The following RSPH10B variants were observed in gnomAD, a reference collection of about 807,000 sequenced individuals.
RSPH10B encodes radial spoke head 10 homolog B (Chlamydomonas).
In RSPH10B, 7 loss-of-function variants were observed where a neutral mutation model predicts 52.5. The ratio of observed to expected loss-of-function variants is 0.13; its 90% CI spans 0.08 to 0.25. The LOEUF is 0.25. RSPH10B is among the 10% of genes least tolerant of loss of function. RSPH10B has a pLI of 1.00. For synonymous variants in RSPH10B, 28 were observed against 193.2 expected, an observed-to-expected ratio of 0.14 and a Z score of 7.09; for missense variants, 89 against 542.5, an observed-to-expected ratio of 0.16 and a Z score of 8.30.
chr7:5,931,393 A>T (rs1333959725), intron 17 of RSPH10B, among the ~76,000 whole-genome samples: 1 of 151,446 alleles, frequency 6.6e-6, no homozygotes, highest in East Asian at 1.9e-4. Context: ...TTAAAAGTCC[A>T]CCATTGAGTG....
intron 11 of RSPH10B, among the ~76,000 whole-genome samples, 176 bp downstream of exon 13, chr7:5,944,888 G>C (rs1419848617): frequency 1.4e-5 from 2 of 147,926 alleles, no homozygotes; most frequent in Admixed American, 1.4e-4. Flanking sequence ...GCTTGAACCG[G>C]GGAGGCAGAG....
At chr7:5,955,183 G>A (rs2128636205) in intron 7 of RSPH10B, among the ~76,000 whole-genome samples, 1 of 126,844 alleles carries the variant, frequency 7.9e-6, no homozygotes, top group African/African-American at 2.8e-5. Context: ...GAAAAAAAAA[G>A]TCATGTAATC....
intron 18 of RSPH10B, among the ~76,000 whole-genome samples, chr7:5,927,064 G>GTA (rs1256218789): frequency 1.4e-3 from 140 of 103,636 alleles, no homozygotes; most frequent in Non-Finnish European, 1.7e-3. Flanking sequence ...GTGTGTGTGT[G>GTA]TGTATATGTG....
chr7:5,931,698 TAAAA>T (rs5882077), intron 17 of RSPH10B, among the ~76,000 whole-genome samples: 1 of 141,086 alleles, frequency 7.1e-6, no homozygotes, highest in East Asian at 2.0e-4. Flanking sequence ...ACCCACCTCT[TAAAA>T]AAAAAAAAAA....
chr7:5,929,327 G>T (rs1297345211), intron 17 of RSPH10B, among the ~76,000 whole-genome samples: 8 of 132,536 alleles, frequency 6.0e-5, no homozygotes, highest in Non-Finnish European at 9.4e-5. Flanking sequence ...CCACAGGCGG[G>T]TGCCACCACA....
At chr7:5,958,874 T>C in intron 5 of RSPH10B, 119 bp downstream of exon 7, 1 of 1,313,230 alleles carries the variant, frequency 7.6e-7, no homozygotes, top group South Asian at 1.2e-5. Context: ...CCACTCTGCT[T>C]AGAGAGAAAA....
In RSPH10B at chr7:5,933,401, C is replaced by A. The variant is rs1323146795; in HGVS notation, c.2140-526G>T. 3.8e-5 allele frequency among the ~76,000 whole-genome samples: 4 copies of A among 105,496 alleles called. No individual in the cohort carries two copies. The East Asian group carries it at 6.5e-4, about 17-fold the overall frequency. 69.2% of individuals were successfully genotyped at this position (105,496 alleles called of 152,430 possible). ...ATTATGGCATTTACTGAAAGCCTCT[C>A]AAAAAAAAACCCCAAAACTTGAAAA... On this transcript the variant is annotated intron_variant, in intron 16 of 18. Coordinates refer to ENST00000337579, the Ensembl canonical transcript of RSPH10B.
At chr7:5,944,773 A>G (rs1157826772) in intron 11 of RSPH10B, among the ~76,000 whole-genome samples, 2 of 146,970 alleles carry the variant, frequency 1.4e-5, no homozygotes, top group Non-Finnish European at 3.0e-5. Flanking sequence ...AGCCTGGCCA[A>G]CATGGTGAAA....
At position 5,944,384 on chromosome 7, in the gene RSPH10B, C is replaced by T. The variant is rs1268123926; in HGVS notation, c.1530-394G>A. Among the ~76,000 whole-genome samples the T allele has an allele frequency of 1.1e-4, 17 of 150,336 alleles. No individual in the cohort carries two copies. The East Asian group carries it at 2.7e-3, about 24-fold the overall frequency. ...CTGCACTCCAGCCTGGGTGACAGAG[C>T]GAGATTCCATCTCAAAAAAATAAAT... On this transcript the variant is annotated intron_variant, in intron 11 of 18. Transcript: ENST00000337579.
intron 3 of RSPH10B, among the ~76,000 whole-genome samples, chr7:5,961,245 T>C (rs958826923): frequency 2.9e-5 from 4 of 139,756 alleles, no homozygotes; most frequent in Non-Finnish European, 6.4e-5. Context: ...CACAGCACTT[T>C]GGGAGACTGA....
intron 13 of RSPH10B, among the ~76,000 whole-genome samples, chr7:5,942,926 A>ATATATT (rs1491308180): frequency 7.1e-5 from 10 of 141,050 alleles, no homozygotes; most frequent in African/African-American, 2.4e-4. Context: ...ATATATATAT[A>ATATATT]TTTTTTTTTA....
intron 14 of RSPH10B, among the ~76,000 whole-genome samples, chr7:5,938,495 G>T (rs1780040168): frequency 1.4e-5 from 1 of 70,966 alleles, no homozygotes; most frequent in Non-Finnish European, 3.2e-5. Context: ...GGAGAATGGC[G>T]TGAACCCGGG....
Position 5,947,889 on chromosome 7 carries a change from T to TGA in RSPH10B, c.1414+330_1414+331insTC, listed in dbSNP as rs751813255. Among the ~76,000 whole-genome samples the TGA allele has an allele frequency of 4.2e-3, 406 of 97,712 alleles. 46 individuals are homozygous for TGA. Among genetic ancestry groups the TGA allele is most frequent in the Non-Finnish European group, 7.6e-3 (338 of 44,238 alleles). 64.1% of individuals were successfully genotyped at this position (97,712 alleles called of 152,430 possible). A position where few individuals can be genotyped will look rare whatever the true frequency, so the allele number is the denominator to read the frequency against. ...GTGTGTGTGTGTGTGTGTGTGTGTG[T>TGA]GTGATGGAGTCTCGCCCTGTCACCC... On this transcript the variant is annotated intron_variant, in intron 10 of 18. Transcript: ENST00000337579.
intron 5 of RSPH10B, 114 bp downstream of exon 7, chr7:5,958,879 A>G: frequency 7.3e-7 from 1 of 1,364,002 alleles, no homozygotes; most frequent in South Asian, 1.2e-5. Context: ...CTGCTTAGAG[A>G]GAAAATGTTC....
At chr7:5,932,052 A>G (rs1292376150) in intron 17 of RSPH10B, among the ~76,000 whole-genome samples, 1 of 147,322 alleles carries the variant, frequency 6.8e-6, no homozygotes, top group Non-Finnish European at 1.5e-5. Flanking sequence ...CATGAAAACA[A>G]GGCCACGTGC....
chr7:5,968,931 A>C (rs1583258066), upstream of RSPH10B, among the ~76,000 whole-genome samples: 1 of 32,000 alleles, frequency 3.1e-5, no homozygotes, highest in African/African-American at 9.9e-5. Flanking sequence ...CTGCAACCTC[A>C]CTGCAGGTTC....
At chr7:5,943,256 C>G (rs1226889638) in intron 13 of RSPH10B, 68 bp downstream of exon 15, 10 of 1,554,718 alleles carry the variant, frequency 6.4e-6, no homozygotes, top group Non-Finnish European at 8.7e-6. Context: ...GCTGGAATAT[C>G]CTGCCTTTCT....
chr7:5,942,919 T>G (rs1430315522), intron 13 of RSPH10B, among the ~76,000 whole-genome samples: 6 of 118,990 alleles, frequency 5.0e-5, no homozygotes, highest in African/African-American at 1.9e-4. Context: ...TATTTATATA[T>G]ATATATATTT....
At chr7:5,947,807 C>T (rs1232964587) in intron 10 of RSPH10B, among the ~76,000 whole-genome samples, 1 of 91,262 alleles carries the variant, frequency 1.1e-5, no homozygotes, top group South Asian at 3.4e-4. Context: ...TGTTTCCTAA[C>T]GGGCCATGGA....
Sources: gnomAD v4.1 joint callset for allele counts (sites outside exome capture counted in the v4.1 genomes callset) on GRCh38, gnomAD v4.1.1 for gene constraint, MANE v1.5 for transcripts, NCBI Gene and HGNC (gene_info 2026-07-23, HGNC 2026-07-21) for gene names.